Variants in NCKAP5 observed in about 807,000 individuals in gnomAD.
NCKAP5 encodes NCK associated protein 5.
Under a neutral mutation model 167.0 loss-of-function variants are expected in NCKAP5, and 92 were observed. That is an observed-to-expected ratio of 0.55 (90% CI 0.47 to 0.66). The LOEUF is 0.66. Among genes scored for constraint, NCKAP5 ranks in the 30% least tolerant of loss-of-function variants. NCKAP5 has a pLI of 0.00. For missense variants in NCKAP5, 2,378 were observed against 2,315.0 expected, an observed-to-expected ratio of 1.03 and a Z score of -0.56; for synonymous variants, 891 against 877.4, an observed-to-expected ratio of 1.02 and a Z score of -0.27.
chr2:132,763,919 C>T (rs928296510), intron 16 of NCKAP5, among the ~76,000 whole-genome samples: 9 of 152,146 alleles, frequency 5.9e-5, no homozygotes, highest in Non-Finnish European at 1.0e-4. Context: ...AGACAATGCT[C>T]GATATAGGCT....
At chr2:133,488,051 T>C (rs1681069339) in intron 3 of NCKAP5, among the ~76,000 whole-genome samples, 1 of 152,240 alleles carries the variant, frequency 6.6e-6, no homozygotes, top group Non-Finnish European at 1.5e-5. Flanking sequence ...TATACCTTAA[T>C]CTCTCCCTGA....
At chr2:133,474,889 C>T (rs1046644816) in intron 3 of NCKAP5, among the ~76,000 whole-genome samples, 1 of 152,048 alleles carries the variant, frequency 6.6e-6, no homozygotes, top group African/African-American at 2.4e-5. Flanking sequence ...CGGCTCACTG[C>T]AACCTCTGCC....
At chr2:132,948,271 G>A (rs960941093) in intron 8 of NCKAP5, among the ~76,000 whole-genome samples, 9 of 152,234 alleles carry the variant, frequency 5.9e-5, no homozygotes, top group Non-Finnish European at 1.2e-4. Context: ...TGGCTGGTTA[G>A]GGGGGGAAGC....
At chr2:133,412,773 C>G (rs1179301263) in intron 3 of NCKAP5, among the ~76,000 whole-genome samples, 1 of 152,230 alleles carries the variant, frequency 6.6e-6, no homozygotes, top group East Asian at 1.9e-4. Context: ...GCCATTTACA[C>G]TAGAAAACTG....
intron 5 of NCKAP5, among the ~76,000 whole-genome samples, chr2:133,193,245 A>T (rs898500012): frequency 6.6e-6 from 1 of 152,110 alleles, no homozygotes; most frequent in African/African-American, 2.4e-5. Flanking sequence ...AGAGTTATAA[A>T]GGGCATGGGG....
At chr2:132,973,749 A>T (rs947447373) in intron 7 of NCKAP5, among the ~76,000 whole-genome samples, 4 of 151,932 alleles carry the variant, frequency 2.6e-5, no homozygotes, top group Non-Finnish European at 4.4e-5. Context: ...ACAAAAAAAC[A>T]AAAAAGAAAA....
intron 6 of NCKAP5, among the ~76,000 whole-genome samples, chr2:133,081,413 T>A (rs1321937815): frequency 6.6e-5 from 10 of 152,190 alleles, no homozygotes; most frequent in Admixed American, 5.9e-4. Context: ...GTTCATCACT[T>A]AATATTTGCC....
intron 6 of NCKAP5, among the ~76,000 whole-genome samples, chr2:133,090,712 A>T (rs2081148252): frequency 6.6e-6 from 1 of 151,948 alleles, no homozygotes; most frequent in South Asian, 2.1e-4. Context: ...GGTAGAAGAA[A>T]GGTTAATATC....
intron 5 of NCKAP5, among the ~76,000 whole-genome samples, chr2:133,206,777 C>T (rs1198073123): frequency 2.0e-5 from 3 of 152,098 alleles, no homozygotes; most frequent in Non-Finnish European, 2.9e-5. Context: ...GGAGAAATAT[C>T]GCTGAATTCT....
chr2:132,767,131 T>G (rs1164705174), intron 16 of NCKAP5, among the ~76,000 whole-genome samples: 2 of 152,242 alleles, frequency 1.3e-5, no homozygotes, highest in Non-Finnish European at 2.9e-5. Context: ...ATGATTCTTG[T>G]GCAGTTCACT....
chr2:132,796,771 ATTAT>A (rs1461327418), intron 11 of NCKAP5, 42 bp from the exon 12 acceptor site: 1 of 1,355,456 alleles, frequency 7.4e-7, no homozygotes, highest in African/African-American at 1.4e-5. Context: ...CGATAATTTA[ATTAT>A]TTGTCTCAAA....
chr2:133,439,657 T>G (rs1380130255), intron 3 of NCKAP5, among the ~76,000 whole-genome samples: 1 of 152,188 alleles, frequency 6.6e-6, no homozygotes, highest in Non-Finnish European at 1.5e-5. Flanking sequence ...CATTCTGACC[T>G]GCCCTCTCTT....
chr2:132,833,334 C>T (rs919526307), intron 11 of NCKAP5, among the ~76,000 whole-genome samples: 7 of 152,032 alleles, frequency 4.6e-5, no homozygotes, highest in South Asian at 2.1e-4. Flanking sequence ...TTCACTCTGT[C>T]GATTATTTCA....
intron 5 of NCKAP5, among the ~76,000 whole-genome samples, chr2:133,183,257 C>A (rs2084808935): frequency 6.6e-6 from 1 of 152,036 alleles, no homozygotes. Flanking sequence ...CTTCCCAATT[C>A]ATTTTATAAA....
chr2:133,021,436 A>C (rs2078524100), intron 6 of NCKAP5, among the ~76,000 whole-genome samples: 1 of 152,234 alleles, frequency 6.6e-6, no homozygotes, highest in Non-Finnish European at 1.5e-5. Context: ...AATATATGTT[A>C]GAATGCTTAT....
chr2:132,711,234 C>T (rs148195744), intron 19 of NCKAP5, among the ~76,000 whole-genome samples: 105 of 152,282 alleles, frequency 6.9e-4, no homozygotes, highest in African/African-American at 1.9e-3. Context: ...AAAAGCTTTC[C>T]ATTACTGTCT....
chr2:133,607,925 A>G, the NCKAP5 span, among the ~76,000 whole-genome samples: 52,765 of 152,108 alleles, frequency 0.35, 9,199 homozygotes, highest in Non-Finnish European at 0.37. Flanking sequence ...AGCTCTTAAC[A>G]TGATAGTCCA....
intron 11 of NCKAP5, among the ~76,000 whole-genome samples, chr2:132,827,407 TTA>T (rs1399827147): frequency 6.6e-6 from 1 of 152,164 alleles, no homozygotes; most frequent in East Asian, 1.9e-4. Flanking sequence ...ATTGTATTTT[TTA>T]GTTAAGAAAT....
intron 6 of NCKAP5, among the ~76,000 whole-genome samples, chr2:133,055,255 A>G (rs1366247550): frequency 2.0e-5 from 3 of 152,156 alleles, no homozygotes; most frequent in Non-Finnish European, 1.5e-5. Context: ...AAAAAACAAA[A>G]AAAGAATAGA....
Sources: allele counts gnomAD v4.1 joint callset (sites outside exome capture counted in the v4.1 genomes callset), GRCh38; gene constraint gnomAD v4.1.1; transcripts MANE v1.5; gene names NCBI Gene and HGNC (gene_info 2026-07-23, HGNC 2026-07-21).